Variants in DNAJC3 observed in about 807,000 individuals in gnomAD.
DNAJC3 encodes DnaJ heat shock protein family (Hsp40) member C3.
Under a neutral mutation model 68.6 loss-of-function variants are expected in DNAJC3, and 38 were observed. The observed-to-expected ratio is 0.55, with a 90% CI of 0.43 to 0.73. DNAJC3 has a LOEUF of 0.73. DNAJC3 is among the 30% of genes least tolerant of loss of function. The probability of loss-of-function intolerance (pLI) is 0.00; values close to 1 mark genes in which losing one functional copy is unlikely to be tolerated. For missense variants in DNAJC3, 526 were observed against 591.9 expected (o/e 0.89, Z 1.16); for synonymous variants, 203 against 204.0 (o/e 1.00, Z 0.04).
At position 95,698,314 on chromosome 13, in the gene DNAJC3, G is replaced by A. The variant is rs560326939; in HGVS notation, c.83-10913G>A. Among the ~76,000 whole-genome samples the A allele has an allele frequency of 4.4e-4, 67 of 152,288 alleles. No homozygotes were observed. In the South Asian group the frequency reaches 0.012, roughly 27 times the overall value. The stretch of plus-strand genomic sequence containing the variant: ...TGTACCTGATCTTTGTTTATTGTGA[G>A]ATTCACTGTGTTGTTTCAGGTGATG... On this transcript the variant is annotated intron_variant, in intron 1 of 11. Transcript: ENST00000602402.
intron 9 of DNAJC3, among the ~76,000 whole-genome samples, chr13:95,770,810 A>G (rs1883135610): frequency 6.6e-6 from 1 of 152,224 alleles, no homozygotes; most frequent in African/African-American, 2.4e-5. Flanking sequence ...ACGAGGCTGT[A>G]TCCTAAGTGT....
chr13:95,788,474 A>G (rs1566519364), intron 11 of DNAJC3, among the ~76,000 whole-genome samples: 1 of 152,240 alleles, frequency 6.6e-6, no homozygotes, highest in East Asian at 1.9e-4. Context: ...TTCAGGATGA[A>G]CTATCTTTTC....
At chr13:95,749,306 G>T (rs1195099795) in intron 4 of DNAJC3, among the ~76,000 whole-genome samples, 2 of 152,192 alleles carry the variant, frequency 1.3e-5, no homozygotes, top group East Asian at 3.8e-4. Context: ...CCATTCTTGT[G>T]TATGTATGAT....
intron 2 of DNAJC3, among the ~76,000 whole-genome samples, chr13:95,721,490 C>T (rs144261797): frequency 4.5e-4 from 68 of 152,242 alleles, no homozygotes; most frequent in Middle Eastern, 3.4e-3. Context: ...AATCATCTTA[C>T]GGTTTTCCAC....
chr13:95,706,190 T>C (rs546678183), intron 1 of DNAJC3, among the ~76,000 whole-genome samples: 1 of 152,334 alleles, frequency 6.6e-6, no homozygotes, highest in East Asian at 1.9e-4. Context: ...ATAGTAAATA[T>C]TTTAGGTTTT....
At chr13:95,695,933 A>G (rs1880427163) in intron 1 of DNAJC3, among the ~76,000 whole-genome samples, 1 of 152,200 alleles carries the variant, frequency 6.6e-6, no homozygotes, top group African/African-American at 2.4e-5. Context: ...TGCCAACACT[A>G]ATATATTAGT....
At chr13:95,697,027 G>A (rs1211418757) in intron 1 of DNAJC3, among the ~76,000 whole-genome samples, 3 of 152,132 alleles carry the variant, frequency 2.0e-5, no homozygotes, top group Non-Finnish European at 4.4e-5. Flanking sequence ...TACCTTCAAG[G>A]TTAATATTGA....
chr13:95,764,014 T>TA, intron 9 of DNAJC3, 61 bp downstream of exon 9: 24 of 1,576,622 alleles, frequency 1.5e-5, no homozygotes, highest in Non-Finnish European at 2.0e-5. Context: ...TATCACATTT[T>TA]AAGCTTCCTT....
At chr13:95,756,596 A>T (rs998746929) in intron 4 of DNAJC3, among the ~76,000 whole-genome samples, 30 of 152,344 alleles carry the variant, frequency 2.0e-4, no homozygotes, top group African/African-American at 6.5e-4. Flanking sequence ...TTAAAAATTA[A>T]TCCACTGAAA....
rs1882984923 is a variant in DNAJC3, at chr13:95,766,063, T to C, written c.1075+2110T>C. ...AGAGGTTTAGTATAAATGATGTAAA[T>C]AAATAATAATCTTACTTAGCTAAAT... On this transcript the variant is annotated intron_variant, in intron 9 of 11. Coordinates refer to ENST00000602402, the MANE Select transcript of DNAJC3 (RefSeq NM_006260.5). Among the ~76,000 whole-genome samples the C allele has an allele frequency of 2.6e-5, 4 of 152,318 alleles. No individual in the cohort carries two copies. The South Asian group carries it at 8.3e-4, about 32-fold the overall frequency.
chr13:95,755,888 A>T (rs537501049), intron 4 of DNAJC3, among the ~76,000 whole-genome samples: 1 of 148,878 alleles, frequency 6.7e-6, no homozygotes, highest in East Asian at 2.0e-4. Flanking sequence ...CTCCTTTCTT[A>T]CTTCCTTGGA....
intron 9 of DNAJC3, among the ~76,000 whole-genome samples, chr13:95,777,741 C>T (rs1269016792): frequency 6.6e-6 from 1 of 152,046 alleles, no homozygotes; most frequent in African/African-American, 2.4e-5. Context: ...ACTTCAGTAT[C>T]CCACTTTCAG....
chr13:95,738,027 T>C (rs1484439592), intron 4 of DNAJC3, among the ~76,000 whole-genome samples: 2 of 140,564 alleles, frequency 1.4e-5, no homozygotes, highest in African/African-American at 2.7e-5. Flanking sequence ...GTTGTGTCTT[T>C]GTTCTCGTTG....
chr13:95,746,534 G>A (rs1882312506), intron 4 of DNAJC3, among the ~76,000 whole-genome samples: 1 of 152,104 alleles, frequency 6.6e-6, no homozygotes, highest in Non-Finnish European at 1.5e-5. Flanking sequence ...TGATTTCTGA[G>A]TCTAGTTTGA....
intron 11 of DNAJC3, among the ~76,000 whole-genome samples, chr13:95,788,776 A>G (rs1467810703): frequency 6.6e-6 from 1 of 152,162 alleles, no homozygotes; most frequent in Non-Finnish European, 1.5e-5. Flanking sequence ...ACCCCTACGG[A>G]GAGTTCACTA....
At chr13:95,736,654 T>C (rs1881932403) in intron 4 of DNAJC3, among the ~76,000 whole-genome samples, 1 of 151,746 alleles carries the variant, frequency 6.6e-6, no homozygotes, top group African/African-American at 2.4e-5. Context: ...TGCTTTTGAT[T>C]TTTGTACATT....
chr13:95,692,892 C>T (rs867029530), intron 1 of DNAJC3: 1 of 149,676 alleles, frequency 6.7e-6, no homozygotes, highest in African/African-American at 2.5e-5. Context: ...ACTATCTCGG[C>T]TCACTGCAAG....
intron 4 of DNAJC3, among the ~76,000 whole-genome samples, chr13:95,729,220 C>G (rs559032942): frequency 8.0e-6 from 1 of 124,926 alleles, no homozygotes; most frequent in South Asian, 3.5e-4. Context: ...TCTCTTTTCC[C>G]CCGCCCTCTC....
intron 2 of DNAJC3, among the ~76,000 whole-genome samples, chr13:95,719,743 C>G (rs774371703): frequency 3.9e-5 from 6 of 152,096 alleles, no homozygotes; most frequent in Non-Finnish European, 5.9e-5. Context: ...CTTAAAATGC[C>G]TAAAAACTGA....
Sources: gnomAD v4.1 joint callset for allele counts (sites outside exome capture counted in the v4.1 genomes callset) on GRCh38, gnomAD v4.1.1 for gene constraint, MANE v1.5 for transcripts, NCBI Gene and HGNC (gene_info 2026-07-23, HGNC 2026-07-21) for gene names.